FRMPD3: variants seen among roughly 807,000 people sequenced by gnomAD.
FRMPD3 encodes FERM and PDZ domain containing 3, also known as FERM and PDZ domain-containing protein 3.
Under a neutral mutation model 97.9 loss-of-function variants are expected in FRMPD3, and 42 were observed. That is an observed-to-expected ratio of 0.43 (90% CI 0.34 to 0.55). The LOEUF (loss-of-function observed/expected upper bound fraction) is 0.55. Ranked by LOEUF, FRMPD3 falls within the 20% of genes least tolerant of loss-of-function variation. The pLI is 0.03. For missense variants in FRMPD3, 1,303 were observed against 1,457.7 expected, an observed-to-expected ratio of 0.89 and a Z score of 1.73; for synonymous variants, 577 against 581.1, an observed-to-expected ratio of 0.99 and a Z score of 0.10.
At chrX:107,480,924 G>GA (rs1385960121) in intron 1 of FRMPD3, among the ~76,000 whole-genome samples, 1 of 107,052 alleles carries the variant, frequency 9.3e-6, no homozygotes, top group Non-Finnish European at 1.9e-5. Context: ...AAGAAAGAAA[G>GA]AAAGAAAGAA....
intron 1 of FRMPD3, among the ~76,000 whole-genome samples, chrX:107,461,800 T>A (rs1931478920): frequency 9.1e-6 from 1 of 109,465 alleles, no homozygotes; most frequent in Non-Finnish European, 1.9e-5. Flanking sequence ...TACATATACA[T>A]ATACATATAC....
At chrX:107,501,928 T>G (rs1169142178) in intron 1 of FRMPD3, among the ~76,000 whole-genome samples, 1 of 109,961 alleles carries the variant, frequency 9.1e-6, no homozygotes, top group African/African-American at 3.3e-5. Flanking sequence ...CTGGTGATTT[T>G]GAGGATGTGG....
intron 2 of FRMPD3, among the ~76,000 whole-genome samples, chrX:107,527,830 G>C (rs955568178): frequency 7.2e-5 from 8 of 110,651 alleles, no homozygotes; most frequent in African/African-American, 2.6e-4. Context: ...GGGCACAGAG[G>C]AAAAAAAACA....
chrX:107,588,176 C>G (rs1273115878), intron 13 of FRMPD3, among the ~76,000 whole-genome samples: 3 of 111,367 alleles, frequency 2.7e-5, no homozygotes, highest in Admixed American at 1.9e-4. Flanking sequence ...TTTCTGGCTG[C>G]CCTTAACATT....
At chrX:107,589,696 T>G (rs1429251027) in intron 13 of FRMPD3, among the ~76,000 whole-genome samples, 2 of 112,510 alleles carry the variant, frequency 1.8e-5, no homozygotes, top group Non-Finnish European at 3.8e-5. Context: ...TCATAACTAG[T>G]TAAAAGACAA....
chrX:107,557,843 A>G (rs1282145294), intron 8 of FRMPD3, among the ~76,000 whole-genome samples: 3 of 61,247 alleles, frequency 4.9e-5, no homozygotes, highest in African/African-American at 1.9e-4. Flanking sequence ...ATATATATAG[A>G]TCTATTCCTG....
chrX:107,587,640 G>A (rs1328007208), intron 13 of FRMPD3, among the ~76,000 whole-genome samples: 1 of 111,935 alleles, frequency 8.9e-6, no homozygotes, highest in Non-Finnish European at 1.9e-5. Flanking sequence ...TATAAGGCAG[G>A]CCTGGTGGTG....
At chrX:107,481,993 C>G (rs929412989) in intron 1 of FRMPD3, among the ~76,000 whole-genome samples, 1 of 111,734 alleles carries the variant, frequency 8.9e-6, no homozygotes, top group Admixed American at 9.5e-5. Context: ...GGCTACCCAG[C>G]TAATTAGTCC....
At chrX:107,458,054 A>G (rs996951091) in intron 1 of FRMPD3, among the ~76,000 whole-genome samples, 2 of 111,784 alleles carry the variant, frequency 1.8e-5, no homozygotes, top group African/African-American at 6.5e-5. Context: ...TTGGCTGCCT[A>G]TGTCTCACTC....
chrX:107,533,626 T>C, intron 4 of FRMPD3, 76 bp downstream of exon 4: 2 of 976,978 alleles, frequency 2.0e-6, no homozygotes, highest in Non-Finnish European at 2.9e-6. Context: ...AAAGCAACAG[T>C]GATGGGGTTG....
chrX:107,563,069 GC>G (rs1569423274), intron 10 of FRMPD3, 41 bp from the exon 11 acceptor site: 8 of 1,075,807 alleles, frequency 7.4e-6, no homozygotes, highest in Non-Finnish European at 1.0e-5. Context: ...CTTTTCCTGT[GC>G]CCCTCAGGCT....
In FRMPD3 at chrX:107,602,546, T is replaced by C; in HGVS notation, c.4507T>C (p.Cys1503Arg). The C allele has an allele frequency of 1.7e-6, 2 of 1,211,502 alleles. No homozygotes were observed. The highest frequency in any genetic ancestry group is 2.2e-6 in the Non-Finnish European group (2 of 895,515). ...SIRYCFYYRKCDMADDASDGK... is the reference protein window; with the variant it reads ...SIRYCFYYRKRDMADDASDGK... ...CCGCTACTGCTTCTACTACCGCAAG[T>C]GTGACATGGCAGATGATGCCAGTGA... Residue 1503 changes from cysteine (C) to arginine (R), a missense_variant, in exon 15 of 15, where the codon TGT becomes CGT. This residue lies in a region of FRMPD3 where 764 missense variants were observed against 820.2 expected (regional missense o/e 0.93). Coordinates refer to ENST00000683843, the MANE Select transcript of FRMPD3 (RefSeq NM_001388459.1).
At chrX:107,468,265 C>T (rs1446122871) in intron 1 of FRMPD3, among the ~76,000 whole-genome samples, 1 of 112,115 alleles carries the variant, frequency 8.9e-6, no homozygotes, top group African/African-American at 3.2e-5. Flanking sequence ...ATAACATAGG[C>T]CTTGCCCTTA....
rs372795639 is a variant in FRMPD3, at chrX:107,487,090, CAAA to C, written c.-8+37098_-8+37100del. 1.0e-3 allele frequency among the ~76,000 whole-genome samples: 69 copies of C among 67,595 alleles called. 1 individual carries two copies. The highest frequency in any genetic ancestry group is 3.5e-3 in the African/African-American group (64 of 18,299). 58.7% of individuals were successfully genotyped at this position (67,595 alleles called of 115,157 possible). On this transcript the variant is annotated intron_variant, in intron 1 of 14. Transcript: ENST00000683843. The stretch of plus-strand genomic sequence containing the variant: ...TGAAACCCCATCTCTACTAAAAATA[CAAA>C]AAAAAAAAAAAATAACTGAGCGTGG...
chrX:107,557,872 G>C (rs1202193514), intron 8 of FRMPD3, among the ~76,000 whole-genome samples: 1 of 84,592 alleles, frequency 1.2e-5, no homozygotes, highest in Non-Finnish European at 2.3e-5. Context: ...ATTCTGATCT[G>C]TTGGTCTACT....
chrX:107,602,145 G>A lies in FRMPD3; in HGVS notation c.4106G>A (p.Gly1369Asp), dbSNP rs938372917. 5 of 1,211,117 alleles carry A rather than the reference G, an allele frequency of 4.1e-6. No homozygotes were observed. Among genetic ancestry groups the A allele is most frequent in the Middle Eastern group, 2.3e-4 (1 of 4,355 alleles). The stretch of plus-strand genomic sequence containing the variant: ...GAGTGCCGATCGGACCCTGAGAGTG[G>A]TGTTTCGTGCCTGACCACGTGTGCC... ...SRECRSDPES[G>D]VSCLTTCASG... The change falls in exon 15 of 15, where the codon GGT becomes GAT. Residue 1369 changes from glycine to aspartate, a missense_variant. Physicochemically the swap from Gly to Asp is moderately conservative, Grantham distance 94. Transcript: ENST00000683843.
In FRMPD3 at chrX:107,521,126, TG is replaced by T. The variant is rs1922494177; in HGVS notation, c.-7-5455del. 5.3e-5 allele frequency among the ~76,000 whole-genome samples: 6 copies of T among 112,316 alleles called. No individual in the cohort carries two copies. In the Admixed American group the frequency reaches 5.7e-4, roughly 11 times the overall value. The stretch of plus-strand genomic sequence containing the variant: ...GTGCAACCATATCTGTCTTATTTCA[TG>T]TCAGTTTAGAGCCCTCCCTGTTCTC... On this transcript the variant is annotated intron_variant, in intron 1 of 14. Transcript: ENST00000683843.
rs116210587 is a variant in FRMPD3 at position 107,580,943 on chromosome X, A to C, written c.1441+4484A>C. 6.2e-3 allele frequency among the ~76,000 whole-genome samples: 692 copies of C among 111,528 alleles called. 6 individuals carry two copies. Among genetic ancestry groups the C allele is most frequent in the African/African-American group, 0.022 (663 of 30,716 alleles). ...TGGGTTCCAGTCCCTGTTTTGCCAT[A>C]TCTTAGCTATGGGATCATAACTAAA... On this transcript the variant is annotated intron_variant, in intron 13 of 14. Transcript: ENST00000683843.
chrX:107,455,783 G>A (rs761724359), intron 1 of FRMPD3, among the ~76,000 whole-genome samples: 5 of 111,401 alleles, frequency 4.5e-5, no homozygotes, highest in Non-Finnish European at 9.4e-5. Context: ...TATGTACAAG[G>A]CACTGTGCTA....
Sources: gnomAD v4.1 joint callset for allele counts (sites outside exome capture counted in the v4.1 genomes callset) on GRCh38, gnomAD v4.1.1 for gene constraint, gnomAD v4.1.1 regional missense constraint, MANE v1.5 for transcripts, NCBI Gene and HGNC (gene_info 2026-07-23, HGNC 2026-07-21) for gene names.